The following AGRN variants were observed in gnomAD, a reference collection of about 807,000 sequenced individuals.
AGRN encodes the protein agrin proteoglycan.
A neutral mutation model predicts 211.0 loss-of-function variants in AGRN; 106 were observed. The ratio of observed to expected loss-of-function variants is 0.50; its 90% confidence interval spans 0.43 to 0.59. The LOEUF (loss-of-function observed/expected upper bound fraction) is 0.59, where lower values mean the gene tolerates loss of function less well. Among genes scored for constraint, AGRN ranks in the 20% least tolerant of loss-of-function variants. The pLI is 0.00. For synonymous variants in AGRN, 1,525 were observed against 1,332.5 expected, an observed-to-expected ratio of 1.14 and a Z score of -3.15; for missense variants, 3,040 against 2,982.6, an observed-to-expected ratio of 1.02 and a Z score of -0.45.
At chr1:1,051,423 G>C in intron 31 of AGRN, 30 bp from the exon 32 acceptor site, 1 of 1,541,166 alleles carries the variant, frequency 6.5e-7, no homozygotes. Context: ...GGGGTGGCAG[G>C]CGGGACAAGG....
Position 1,043,688 on chromosome 1 carries a change from G to C in AGRN, c.1754G>C (p.Cys585Ser). Residue 585 changes from cysteine to serine, a missense_variant, in exon 9 of 36, where the codon TGC becomes TCC. This residue lies in a region of AGRN where 1,498 missense variants were observed against 1,457.8 expected (regional missense o/e 1.03). Coordinates refer to ENST00000379370, the MANE Select transcript of AGRN (RefSeq NM_198576.4). ...GAGTGCATGCTGCACGTGCACGCCT[G>C]CACACACCAGATCAGCCTGCACGTG... ...PSECMLHVHA[C>S]THQISLHVAS... is the part of the protein sequence containing the mutation. 1 of 1,600,808 alleles carries C rather than the reference G, an allele frequency of 6.2e-7. No homozygotes were observed. Among genetic ancestry groups the C allele is most frequent in the Non-Finnish European group, 8.5e-7 (1 of 1,179,786 alleles).
chr1:1,038,169 G>T (rs1644846039), intron 3 of AGRN, among the ~76,000 whole-genome samples: 1 of 152,148 alleles, frequency 6.6e-6, no homozygotes, highest in Non-Finnish European at 1.5e-5. Context: ...ATGCTGTGAG[G>T]GAGATCCACC....
rs369855405 is a variant in AGRN at position 1,043,202 on chromosome 1, G to C, written c.1385-37G>C. 1.9e-6 allele frequency: 3 copies of C among 1,557,028 alleles called. 1 individual carries two copies. Among genetic ancestry groups the C allele is most frequent in the South Asian group, 2.4e-5 (2 of 84,926 alleles). On this transcript the variant is annotated intron_variant, in intron 7 of 35. Coordinates refer to ENST00000379370, the MANE Select transcript of AGRN (RefSeq NM_198576.4). ...GGGGCTTTGCCTGCAGCGGAGGGGG[G>C]GCTTGTGGGACCACTGAGCCCCTGT...
chr1:1,039,364 T>C (rs894900928), intron 3 of AGRN, among the ~76,000 whole-genome samples: 1 of 148,304 alleles, frequency 6.7e-6, no homozygotes, highest in Non-Finnish European at 1.5e-5. Flanking sequence ...GCTGTTGCTA[T>C]AGCAACAGCT....
intron 2 of AGRN, chr1:1,034,689 T>C (rs1644758215): frequency 1.0e-6 from 1 of 992,554 alleles, no homozygotes; most frequent in Non-Finnish European, 1.2e-6. Context: ...GCGGTGCTGC[T>C]GTTCCTCAAC....
chr1:1,043,094 T>C (rs1282051961), intron 7 of AGRN, 145 bp from the exon 8 acceptor site: 5 of 893,224 alleles, frequency 5.6e-6, no homozygotes, highest in Non-Finnish European at 8.7e-6. Flanking sequence ...CTCTGCCGTG[T>C]CTGCTGTGCA....
At position 1,054,040 on chromosome 1, in the gene AGRN, G is replaced by C. The variant is rs1325818316; in HGVS notation, c.5876+63G>C. 1.2e-5 allele frequency: 18 copies of C among 1,511,478 alleles called. No individual in the cohort carries two copies. The Admixed American group carries it at 3.5e-4, about 30-fold the overall frequency. 93.6% of individuals were successfully genotyped at this position (1,511,478 alleles called of 1,614,324 possible). On this transcript the variant is annotated intron_variant, in intron 34 of 35. Coordinates refer to ENST00000379370, the MANE Select transcript of AGRN (RefSeq NM_198576.4). ...GGGCTGCCCAGACTTGCCCAGCTGGGCTGTGTCCAGTCACTTGTGACCAGG... is the reference window on the plus strand; with the variant it reads ...GGGCTGCCCAGACTTGCCCAGCTGGCCTGTGTCCAGTCACTTGTGACCAGG...
intron 2 of AGRN, among the ~76,000 whole-genome samples, chr1:1,033,176 C>T (rs1194865411): frequency 1.3e-5 from 2 of 152,118 alleles, no homozygotes; most frequent in African/African-American, 4.8e-5. Context: ...TTTGCATGAC[C>T]CCGCCCCGCG....
chr1:1,043,786 G>C, intron 9 of AGRN, 37 bp from the exon 10 acceptor site: 1 of 1,607,184 alleles, frequency 6.2e-7, no homozygotes, highest in South Asian at 1.1e-5. Context: ...CCCTCAGCCT[G>C]GGCCTGCCGA....
At position 1,046,605 on chromosome 1, in the gene AGRN, G is replaced by C. The variant is rs747197185; in HGVS notation, c.3120G>C (p.Thr1040=). Residue 1040 remains threonine (T), a synonymous_variant, in exon 18 of 36, where the codon ACG becomes ACC. Transcript: ENST00000379370. ...VPRTTVWPVL[T]VPPTAPSPAP... ...GGACCACCGTGTGGCCCGTGCTGACGGTGCCCCCCACGGCACCCTCCCCTG... is the reference window on the plus strand; with the variant it reads ...GGACCACCGTGTGGCCCGTGCTGACCGTGCCCCCCACGGCACCCTCCCCTG... The C allele has an allele frequency of 8.1e-6, 13 of 1,604,810 alleles. No individual in the cohort carries two copies. The East Asian group carries it at 2.5e-4, about 30-fold the overall frequency.
chr1:1,032,447 G>A lies in AGRN; in HGVS notation c.464-2830G>A, dbSNP rs1320814426. ...AGGAGGTGAGACAGGGCACCTGGAA[G>A]GAAGGAGGCGTTGGGGAGAGTCCAG... On this transcript the variant is annotated intron_variant, in intron 2 of 35. Transcript: ENST00000379370. The surrounding 1 kb of genome is among the most constrained non-coding windows in gnomAD (Gnocchi z 4.7). Among the ~76,000 whole-genome samples the A allele has an allele frequency of 6.6e-6, 1 of 152,206 alleles. No homozygotes were observed. The highest frequency in any genetic ancestry group is 6.5e-5 in the Admixed American group (1 of 15,280).
Position 1,020,244 on chromosome 1 carries a change from G to A in AGRN, c.72G>A (p.Leu24=). The change falls in exon 1 of 36, where the codon CTG becomes CTA. Residue 24 remains leucine, a synonymous_variant. Coordinates refer to ENST00000379370, the MANE Select transcript of AGRN (RefSeq NM_198576.4). ...TCCTTGTGGTGGCCGCGTGCGTCCT[G>A]CCCGGAGCCGGCGGGACATGCCCGG... ...LPLLVVAACV[L]PGAGGTCPER... 1 of 1,453,418 alleles carries A rather than the reference G, an allele frequency of 6.9e-7. No homozygotes were observed. Among genetic ancestry groups the A allele is most frequent in the Non-Finnish European group, 9.1e-7 (1 of 1,103,048 alleles). 90.0% of individuals were successfully genotyped at this position (1,453,418 alleles called of 1,614,324 possible).
At chr1:1,023,492 G>A (rs769100425) in intron 2 of AGRN, among the ~76,000 whole-genome samples, 17 of 152,218 alleles carry the variant, frequency 1.1e-4, no homozygotes, top group Admixed American at 2.0e-4. Context: ...CCACTGGGAG[G>A]ACATGATAAC....
chr1:1,054,163 C>T (rs1202044110), intron 34 of AGRN, among the ~76,000 whole-genome samples, 186 bp downstream of exon 34: 5 of 152,232 alleles, frequency 3.3e-5, no homozygotes, highest in South Asian at 2.1e-4. Context: ...TCAGTTTCCA[C>T]GTCTGAAAGG....
Position 1,045,378 on chromosome 1 carries a change from C to G in AGRN, c.2391C>G (p.Pro797=), listed in dbSNP as rs892393732. 3 of 1,611,880 alleles carry G rather than the reference C, an allele frequency of 1.9e-6. No individual in the cohort carries two copies. Among genetic ancestry groups the G allele is most frequent in the Non-Finnish European group, 2.5e-6 (3 of 1,179,954 alleles). The part of the protein sequence containing the change: ...AGCPSACQCN[P]HGSYGGTCDP... ...TTTCAGGTGCCTGCCAGTGCAACCCCCATGGCTCTTACGGCGGCACCTGTG... is the reference window on the plus strand; with the variant it reads ...TTTCAGGTGCCTGCCAGTGCAACCCGCATGGCTCTTACGGCGGCACCTGTG... The change falls in exon 14 of 36, where the codon CCC becomes CCG. Residue 797 remains proline, a synonymous_variant. Coordinates refer to ENST00000379370, the MANE Select transcript of AGRN (RefSeq NM_198576.4).
In AGRN at chr1:1,043,418, C is replaced by T. The variant is rs768856983; in HGVS notation, c.1564C>T (p.Leu522Phe). 6.2e-7 allele frequency: 1 copy of T among 1,607,888 alleles called. No homozygotes were observed. Among genetic ancestry groups the T allele is most frequent in the South Asian group, 1.1e-5 (1 of 90,614 alleles). ...CGAGCTGGAGGCCACGGCCTGTACC[C>T]TCGGGCGGGAGATCCAGGTGGCGCG... ...ACELEATACT[L>F]GREIQVARKG... The change falls in exon 8 of 36, where the codon CTC becomes TTC. Residue 522 changes from leucine (L) to phenylalanine (F), a missense_variant. This residue lies in a region of AGRN where 1,498 missense variants were observed against 1,457.8 expected (regional missense o/e 1.03). Coordinates refer to ENST00000379370, the MANE Select transcript of AGRN (RefSeq NM_198576.4).
chr1:1,049,290 G>A lies in AGRN; in HGVS notation c.4353G>A (p.Pro1451=), dbSNP rs181981987. 2.0e-5 allele frequency: 32 copies of A among 1,596,876 alleles called. No homozygotes were observed. The highest frequency in any genetic ancestry group is 2.7e-5 in the African/African-American group (2 of 74,904). The change falls in exon 25 of 36, where the codon CCG becomes CCA. Residue 1451 remains proline, a synonymous_variant. Transcript: ENST00000379370. The part of the protein sequence containing the change: ...AVLTSAVPVE[P]GQWHRLELSR... ...TGACCAGTGCCGTGCCGGTAGAGCCGGGCCAGTGGCACCGCCTGGAGCTGT... is the reference window on the plus strand; with the variant it reads ...TGACCAGTGCCGTGCCGGTAGAGCCAGGCCAGTGGCACCGCCTGGAGCTGT...
At position 1,054,462 on chromosome 1, in the gene AGRN, G is replaced by A. The variant is rs1436071469; in HGVS notation, c.5891G>A (p.Gly1964Asp). The change falls in exon 35 of 36, where the codon GGT (glycine) becomes GAT (aspartate). Residue 1964 changes from glycine (G) to aspartate (D), a missense_variant. Gly to Asp is a moderately conservative substitution (Grantham distance 94). Around this residue, in one of 3 missense-constraint regions of AGRN, gnomAD observed 1,537 missense variants for 1,505.0 expected, o/e 1.02. Transcript: ENST00000379370. ...RVVAHREQREGSLQVGNEAPV... is the reference protein window; with the variant it reads ...RVVAHREQREDSLQVGNEAPV... The stretch of plus-strand genomic sequence containing the variant: ...TGCACACCCAGGGAGCAGAGGGAAG[G>A]TTCCCTGCAGGTGGGCAATGAGGCC... 1.9e-6 allele frequency: 3 copies of A among 1,592,118 alleles called. No individual in the cohort carries two copies. Among genetic ancestry groups the A allele is most frequent in the South Asian group, 2.3e-5 (2 of 87,484 alleles).
intron 34 of AGRN, 95 bp downstream of exon 34, chr1:1,054,072 GGAGGACAC>G: frequency 7.4e-7 from 1 of 1,352,270 alleles, no homozygotes; most frequent in Non-Finnish European, 1.0e-6. Flanking sequence ...CAGGGGTCAG[GGAGGACAC>G]GCCTTGCTGC....
Sources: allele counts gnomAD v4.1 joint callset (sites outside exome capture counted in the v4.1 genomes callset), GRCh38; gene constraint gnomAD v4.1.1; regional missense constraint gnomAD v4.1.1; non-coding constraint Gnocchi (gnomAD v3.1); transcripts MANE v1.5; gene names NCBI Gene and HGNC (gene_info 2026-07-23, HGNC 2026-07-21).